Variants in HSPA12A observed in about 807,000 individuals in gnomAD.
HSPA12A encodes the protein heat shock protein family A (Hsp70) member 12A.
HSPA12A carries 28 observed loss-of-function variants against 69.2 expected under a neutral mutation model. That is an observed-to-expected ratio of 0.40 (90% CI 0.30 to 0.55). The LOEUF is 0.55. Ranked by LOEUF, HSPA12A falls within the 20% of genes least tolerant of loss-of-function variation. The pLI is 0.38. For synonymous variants in HSPA12A, 345 were observed against 370.5 expected (o/e 0.93, Z 0.79); for missense variants, 686 against 900.7 (o/e 0.76, Z 3.05).
intron 1 of HSPA12A, among the ~76,000 whole-genome samples, chr10:116,740,681 TGTGTGTGTGTGTGTGC>T (rs1564804023): frequency 6.3e-5 from 7 of 110,878 alleles, no homozygotes; most frequent in Admixed American, 3.3e-4. Flanking sequence ...TGTGTCTGTG[TGTGTGTGTGTGTGTGC>T]GTGTGTGTGT....
chr10:116,747,708 A>C (rs2011695), intron 2 of HSPA12A, among the ~76,000 whole-genome samples: 84,270 of 152,092 alleles, frequency 0.55, 23,744 homozygotes, highest in South Asian at 0.7. Flanking sequence ...CCAGTAAATA[A>C]ATAATGGAGG....
At chr10:116,770,570 G>T (rs1213100019) in intron 2 of HSPA12A, among the ~76,000 whole-genome samples, 1 of 152,198 alleles carries the variant, frequency 6.6e-6, no homozygotes, top group Admixed American at 6.5e-5. Flanking sequence ...AGGCAGCAAG[G>T]TGGGGTGGGG....
chr10:116,735,981 G>A (rs561863709), intron 1 of HSPA12A, among the ~76,000 whole-genome samples: 4 of 152,256 alleles, frequency 2.6e-5, no homozygotes, highest in South Asian at 2.1e-4. Context: ...GGGTCACAGA[G>A]GAAGACCTTG....
At chr10:116,738,104 A>G (rs996263911) in intron 1 of HSPA12A, among the ~76,000 whole-genome samples, 9 of 152,180 alleles carry the variant, frequency 5.9e-5, no homozygotes, top group Non-Finnish European at 1.0e-4. Context: ...AAAGAGGCCT[A>G]TTTATATGAA....
At position 116,674,907 on chromosome 10, in the gene HSPA12A, A is replaced by T. The variant is rs1554877332; in HGVS notation, c.1902T>A (p.Thr634=). 6.2e-7 allele frequency: 1 copy of T among 1,614,164 alleles called. No homozygotes were observed. The part of the protein sequence containing the change: ...LRLDLTGTSG[T]AVPARREIQT... ...GGATCTCCCTCCGGGCGGGCACCGC[A>T]GTGCCACTGGTCCCTGTGAGATCCA... The change falls in exon 12 of 12, where the codon ACT becomes ACA. Residue 634 remains threonine (T), a synonymous_variant. Transcript: ENST00000369209.
At chr10:116,779,118 G>A (rs1033124802) in intron 2 of HSPA12A, among the ~76,000 whole-genome samples, 6 of 152,214 alleles carry the variant, frequency 3.9e-5, no homozygotes, top group South Asian at 2.1e-4. Flanking sequence ...CTCAAGGCAC[G>A]TGGTTTCCAA....
intron 2 of HSPA12A, among the ~76,000 whole-genome samples, chr10:116,814,108 G>C (rs924129515): frequency 2.0e-5 from 3 of 152,086 alleles, no homozygotes; most frequent in Non-Finnish European, 4.4e-5. Context: ...GAGAATTTCA[G>C]CAAAGAATTA....
At chr10:116,758,185 C>T (rs1029660438) in intron 2 of HSPA12A, among the ~76,000 whole-genome samples, 18 of 152,156 alleles carry the variant, frequency 1.2e-4, no homozygotes, top group African/African-American at 4.1e-4. Context: ...CAGCCTTCAG[C>T]GAAGGTACCT....
At chr10:116,729,759 G>A (rs781787458) in intron 1 of HSPA12A, among the ~76,000 whole-genome samples, 2 of 152,142 alleles carry the variant, frequency 1.3e-5, no homozygotes, top group Non-Finnish European at 2.9e-5. Context: ...AGGGCCAACT[G>A]TATCTACATT....
intron 2 of HSPA12A, among the ~76,000 whole-genome samples, chr10:116,778,726 G>A (rs1844396023): frequency 6.6e-6 from 1 of 152,082 alleles, no homozygotes; most frequent in African/African-American, 2.4e-5. Context: ...GCAACATGGT[G>A]AGACCAGCTT....
intron 2 of HSPA12A, among the ~76,000 whole-genome samples, chr10:116,818,526 C>T (rs534865609): frequency 6.6e-6 from 1 of 151,526 alleles, no homozygotes; most frequent in East Asian, 2.0e-4. Flanking sequence ...ATAGTCAGAT[C>T]GTGGTGTCCC....
intron 2 of HSPA12A, among the ~76,000 whole-genome samples, chr10:116,787,026 T>A (rs11197822): frequency 7.4e-5 from 11 of 148,034 alleles, no homozygotes; most frequent in African/African-American, 2.5e-4. Context: ...ACGCACGCAC[T>A]CACACACACA....
intron 1 of HSPA12A, among the ~76,000 whole-genome samples, chr10:116,845,000 C>T (rs1358742856): frequency 6.6e-6 from 1 of 152,088 alleles, no homozygotes. Flanking sequence ...TAGATTATGT[C>T]CTGATATTTT....
At chr10:116,771,687 G>T (rs1431816531) in intron 2 of HSPA12A, among the ~76,000 whole-genome samples, 2 of 152,226 alleles carry the variant, frequency 1.3e-5, no homozygotes, top group Non-Finnish European at 2.9e-5. Context: ...GTGGATGAGA[G>T]GCAGTCCCTG....
At chr10:116,792,134 C>T (rs1260054429) in intron 2 of HSPA12A, among the ~76,000 whole-genome samples, 1 of 151,760 alleles carries the variant, frequency 6.6e-6, no homozygotes, top group African/African-American at 2.4e-5. Flanking sequence ...ATGAACTTTA[C>T]ATGCATGATT....
chr10:116,761,449 G>A (rs1843970229), intron 2 of HSPA12A, among the ~76,000 whole-genome samples: 1 of 148,704 alleles, frequency 6.7e-6, no homozygotes, highest in Admixed American at 6.8e-5. Context: ...TCACACCACT[G>A]CACTCCCACC....
intron 2 of HSPA12A, among the ~76,000 whole-genome samples, chr10:116,821,208 G>A (rs1257093830): frequency 6.6e-6 from 1 of 152,206 alleles, no homozygotes; most frequent in African/African-American, 2.4e-5. Context: ...TCAAGACCCT[G>A]GCTTCCCACC....
At chr10:116,716,197 T>A (rs1850599526) in intron 1 of HSPA12A, among the ~76,000 whole-genome samples, 2 of 151,886 alleles carry the variant, frequency 1.3e-5, no homozygotes, top group Non-Finnish European at 2.9e-5. Flanking sequence ...CCTCCATGTC[T>A]GAGAAACAGT....
intron 2 of HSPA12A, among the ~76,000 whole-genome samples, 176 bp downstream of exon 2, chr10:116,707,024 G>C (rs977891597): frequency 3.3e-5 from 5 of 152,186 alleles, no homozygotes; most frequent in African/African-American, 1.2e-4. Context: ...GGGCTCCTTT[G>C]GCCAGGACCA....
Sources: allele counts gnomAD v4.1 joint callset (sites outside exome capture counted in the v4.1 genomes callset), GRCh38; gene constraint gnomAD v4.1.1; transcripts MANE v1.5; gene names NCBI Gene and HGNC (gene_info 2026-07-23, HGNC 2026-07-21).